The following PCDH11Y variants were observed in gnomAD, a reference collection of about 807,000 sequenced individuals.
The protein encoded by PCDH11Y is protocadherin 11 Y-linked.
For missense variants in PCDH11Y, 12 were observed against 224.8 expected (o/e 0.05, Z 6.05); for synonymous variants, 9 against 83.6 (o/e 0.11, Z 4.87).
chrY:5,645,840 A>C, intron 4 of PCDH11Y, among the ~76,000 whole-genome samples: 2 of 31,130 alleles, frequency 6.4e-5, no homozygotes, highest in East Asian at 1.7e-3. Flanking sequence ...AGGCAATACC[A>C]TATGCTAGTG....
intron 2 of PCDH11Y, among the ~76,000 whole-genome samples, chrY:5,494,722 A>C: frequency 6.0e-5 from 2 of 33,455 alleles, no homozygotes; most frequent in Non-Finnish European, 1.5e-4. Context: ...ACCCCCAGAA[A>C]CATGAGAAAT....
chrY:5,179,221 T>C, intron 2 of PCDH11Y, among the ~76,000 whole-genome samples: 3 of 33,470 alleles, frequency 9.0e-5, no homozygotes, highest in African/African-American at 3.5e-4. Flanking sequence ...CCACAATAGT[T>C]GAACTAATTT....
intron 2 of PCDH11Y, among the ~76,000 whole-genome samples, chrY:5,233,093 C>G: frequency 6.3e-5 from 2 of 31,915 alleles, no homozygotes; most frequent in Admixed American, 2.9e-4. Flanking sequence ...TTTATTTCTT[C>G]AGTGCAACTT....
chrY:5,439,192 T>C (rs2053278072), intron 2 of PCDH11Y, among the ~76,000 whole-genome samples: 45 of 33,560 alleles, frequency 1.3e-3, no homozygotes, highest in Non-Finnish European at 7.4e-4. Context: ...GGCACCTAAG[T>C]TGACTCTATG....
chrY:5,685,804 T>C, intron 4 of PCDH11Y, among the ~76,000 whole-genome samples: 1 of 31,449 alleles, frequency 3.2e-5, no homozygotes, highest in African/African-American at 1.2e-4. Flanking sequence ...ATGATGAAAC[T>C]AATGCTTAAT....
At chrY:5,542,154 T>A (rs1602940752) in intron 3 of PCDH11Y, among the ~76,000 whole-genome samples, 5 of 32,646 alleles carry the variant, frequency 1.5e-4, no homozygotes, top group African/African-American at 5.9e-4. Flanking sequence ...AGCTGGTTTT[T>A]TTGGACCTGC....
At chrY:5,582,887 A>T in intron 4 of PCDH11Y, among the ~76,000 whole-genome samples, 2 of 32,969 alleles carry the variant, frequency 6.1e-5, no homozygotes, top group Admixed American at 5.6e-4. Flanking sequence ...ATGTGATCTC[A>T]TTTGTCCATC....
chrY:5,308,350 G>A, intron 2 of PCDH11Y, among the ~76,000 whole-genome samples: 5 of 32,850 alleles, frequency 1.5e-4, no homozygotes, highest in African/African-American at 6.0e-4. Flanking sequence ...CTGGATATAT[G>A]ATAACTATAA....
chrY:5,387,373 T>G, intron 2 of PCDH11Y, among the ~76,000 whole-genome samples: 2 of 33,327 alleles, frequency 6.0e-5, no homozygotes, highest in African/African-American at 1.2e-4. Flanking sequence ...CTTGATGTAG[T>G]ACTCTTCCCT....
At chrY:5,431,788 A>G (rs1602924473) in intron 2 of PCDH11Y, among the ~76,000 whole-genome samples, 11 of 33,601 alleles carry the variant, frequency 3.3e-4, no homozygotes, top group African/African-American at 9.2e-4. Flanking sequence ...AAGCAGTTCT[A>G]ACAGATTTTT....
intron 2 of PCDH11Y, among the ~76,000 whole-genome samples, chrY:5,286,781 G>A: frequency 3.0e-5 from 1 of 32,796 alleles, no homozygotes; most frequent in African/African-American, 1.2e-4. Context: ...TCAGATCTAG[G>A]AGCTTTGGGG....
downstream of PCDH11Y, among the ~76,000 whole-genome samples, chrY:5,107,825 C>T (rs1602868414): frequency 3.1e-5 from 1 of 32,207 alleles, no homozygotes; most frequent in Admixed American, 2.9e-4. Context: ...TTTGGGAGGC[C>T]GAGGCGGGTG....
chrY:5,718,113 G>A, intron 4 of PCDH11Y, among the ~76,000 whole-genome samples: 1 of 32,497 alleles, frequency 3.1e-5, no homozygotes. Flanking sequence ...AAAGTGAGTG[G>A]GTGGCAGGGA....
At chrY:5,207,711 C>A in intron 2 of PCDH11Y, 1 of 237,383 alleles carries the variant, frequency 4.2e-6, no homozygotes, top group Non-Finnish European at 7.2e-6. Context: ...TGTGCTCCTG[C>A]TTGTAACCTG....
chrY:5,513,381 C>T, intron 3 of PCDH11Y, among the ~76,000 whole-genome samples: 1 of 33,712 alleles, frequency 3.0e-5, no homozygotes, highest in African/African-American at 1.2e-4. Flanking sequence ...ATTTATACGT[C>T]ACCCATGTCA....
chrY:5,499,492 A>T (rs2124687819), intron 2 of PCDH11Y, among the ~76,000 whole-genome samples: 1 of 32,368 alleles, frequency 3.1e-5, no homozygotes, highest in Admixed American at 2.9e-4. Context: ...TAAAAACTAA[A>T]GAAGATTCAA....
At chrY:5,435,461 C>CT (rs2053273943) in intron 2 of PCDH11Y, among the ~76,000 whole-genome samples, 1 of 30,770 alleles carries the variant, frequency 3.2e-5, no homozygotes, top group Non-Finnish European at 7.8e-5. Context: ...CTACAGGCGC[C>CT]CGCCACCATG....
downstream of PCDH11Y, among the ~76,000 whole-genome samples, chrY:5,108,096 A>C: frequency 3.2e-5 from 1 of 30,903 alleles, no homozygotes; most frequent in Non-Finnish European, 7.8e-5. Context: ...TAGTCATCAT[A>C]GATAAATAAA....
At chrY:5,546,990 C>T (rs2124693598) in intron 3 of PCDH11Y, among the ~76,000 whole-genome samples, 3 of 32,447 alleles carry the variant, frequency 9.2e-5, no homozygotes, top group East Asian at 8.3e-4. Context: ...CAAATTGACA[C>T]GTGCCTGTCC....
Sources: allele counts gnomAD v4.1 joint callset (sites outside exome capture counted in the v4.1 genomes callset), GRCh38; gene constraint gnomAD v4.1.1; transcripts MANE v1.5; gene names NCBI Gene and HGNC (gene_info 2026-07-23, HGNC 2026-07-21).